The following GDPD5 variants were observed in gnomAD, a reference collection of about 807,000 sequenced individuals.
GDPD5 encodes glycerophosphodiester phosphodiesterase 2.
Under a neutral mutation model 75.1 loss-of-function variants are expected in GDPD5, and 48 were observed. The observed-to-expected ratio is 0.64, with a 90% CI of 0.51 to 0.81. The LOEUF is 0.81. Ranked by LOEUF, GDPD5 falls within the 40% of genes least tolerant of loss-of-function variation. GDPD5 has a pLI of 0.00. For missense variants in GDPD5, 706 were observed against 822.6 expected (o/e 0.86, Z 1.73); for synonymous variants, 336 against 339.0 (o/e 0.99, Z 0.10).
In GDPD5 at chr11:75,489,446, T is replaced by C. The variant is rs144115309; in HGVS notation, c.-61+791A>G. On this transcript the variant is annotated intron_variant, in intron 2 of 16. Transcript: ENST00000336898. ...GTCGAGGTTTCACCTTGGTGACCAA[T>C]GAAAACCGAGCTTGCTCGAATGCTG... Among the ~76,000 whole-genome samples, 8 of 152,352 alleles carry C rather than the reference T, an allele frequency of 5.3e-5. No individual in the cohort carries two copies. The East Asian group carries it at 1.5e-3, about 29-fold the overall frequency.
chr11:75,469,668 C>T (rs1046921387), intron 3 of GDPD5, among the ~76,000 whole-genome samples: 10 of 152,228 alleles, frequency 6.6e-5, no homozygotes, highest in African/African-American at 2.4e-5. Flanking sequence ...GAGATTATCT[C>T]GCCTCATCTC....
intron 9 of GDPD5, among the ~76,000 whole-genome samples, chr11:75,445,262 G>A (rs374713456): frequency 3.3e-5 from 5 of 152,182 alleles, no homozygotes; most frequent in South Asian, 2.1e-4. Flanking sequence ...CAATCTTCCC[G>A]CTTCAACTTC....
In GDPD5 at chr11:75,477,689, A is replaced by G. The variant is rs773786656; in HGVS notation, c.47T>C (p.Leu16Pro). The change falls in exon 3 of 17, where the codon CTC (leucine) becomes CCC (proline). Residue 16 changes from leucine (L) to proline (P), a missense_variant. Physicochemically the swap from Leu to Pro is moderately conservative, Grantham distance 98. Coordinates refer to ENST00000336898, the MANE Select transcript of GDPD5 (RefSeq NM_030792.8). ...PLQYYEPQLC[L>P]SCLTGIYGCR... ...GCCGTAGATGCCCGTGAGGCAGGAG[A>G]GGCACAGCTGTGGCTCGTAGTACTG... 6.3e-7 allele frequency: 1 copy of G among 1,598,194 alleles called. No individual in the cohort carries two copies. Among genetic ancestry groups the G allele is most frequent in the South Asian group, 1.1e-5 (1 of 89,826 alleles).
intron 1 of GDPD5, among the ~76,000 whole-genome samples, chr11:75,507,435 C>G (rs990210745): frequency 6.6e-6 from 1 of 152,236 alleles, no homozygotes; most frequent in African/African-American, 2.4e-5. Context: ...GGCCTATGAT[C>G]AAGGTCACAT....
At position 75,462,963 on chromosome 11, in the gene GDPD5, T is replaced by C; in HGVS notation, c.118-74A>G. ...TTAGGCTGCCTCCCACCAGAATGTG[T>C]CCTCCTCCCTCCCACTTTGTAGCCA... is the stretch of plus-strand genomic sequence containing the variant. On this transcript the variant is annotated intron_variant, in intron 3 of 16. Coordinates refer to ENST00000336898, the MANE Select transcript of GDPD5 (RefSeq NM_030792.8). 2.6e-6 allele frequency: 3 copies of C among 1,158,024 alleles called. No homozygotes were observed. The South Asian group carries it at 3.9e-5, about 15-fold the overall frequency. 71.7% of individuals were successfully genotyped at this position (1,158,024 alleles called of 1,614,324 possible).
chr11:75,447,823 T>G (rs547844), intron 9 of GDPD5, among the ~76,000 whole-genome samples: 82,638 of 151,802 alleles, frequency 0.54, 23,988 homozygotes, highest in East Asian at 0.8. Flanking sequence ...ACCAGCAGCA[T>G]GGGCATCCAT....
At chr11:75,453,130 A>C (rs954302820) in intron 6 of GDPD5, among the ~76,000 whole-genome samples, 5 of 152,084 alleles carry the variant, frequency 3.3e-5, no homozygotes, top group Non-Finnish European at 7.4e-5. Flanking sequence ...TCTCCTGAAC[A>C]CTCACCTGGG....
In GDPD5 at chr11:75,443,227, T is replaced by C; in HGVS notation, c.857A>G (p.Glu286Gly). 6.2e-7 allele frequency: 1 copy of C among 1,608,638 alleles called. No homozygotes were observed. Residue 286 changes from glutamate to glycine, a missense_variant, in exon 11 of 17, where the codon GAG becomes GGG. Glu to Gly is a moderately conservative substitution (Grantham distance 98). Coordinates refer to ENST00000336898, the MANE Select transcript of GDPD5 (RefSeq NM_030792.8). Reference sequence around the variant, plus strand: ...GCGGGCCAGCTCCGGGAACTCCTCCTCCACGTTGGTGGTGCGCCGCAGGGT... The same window carrying C: ...GCGGGCCAGCTCCGGGAACTCCTCCCCCACGTTGGTGGTGCGCCGCAGGGT... ...DTTLRRTTNVEEEFPELARRP... is the reference protein window; with the variant it reads ...DTTLRRTTNVGEEFPELARRP...
At chr11:75,468,684 C>CCG (rs576390582) in intron 3 of GDPD5, among the ~76,000 whole-genome samples, 4 of 152,124 alleles carry the variant, frequency 2.6e-5, no homozygotes, top group Admixed American at 2.6e-4. Flanking sequence ...CCGACGCCCC[C>CCG]CCCCCGGGAG....
At chr11:75,486,685 C>T (rs1950026724) in intron 2 of GDPD5, among the ~76,000 whole-genome samples, 1 of 152,180 alleles carries the variant, frequency 6.6e-6, no homozygotes, top group African/African-American at 2.4e-5. Context: ...CAATGCCTGG[C>T]AAACTCCTGC....
intron 1 of GDPD5, among the ~76,000 whole-genome samples, chr11:75,511,042 A>C (rs1270012357): frequency 6.6e-6 from 1 of 152,222 alleles, no homozygotes; most frequent in African/African-American, 2.4e-5. Context: ...GAAAAATGAA[A>C]TGGAAGAGAC....
chr11:75,448,496 G>A, intron 9 of GDPD5: 3 of 985,912 alleles, frequency 3.0e-6, no homozygotes, highest in Non-Finnish European at 2.4e-6. Context: ...TCTCACCGAA[G>A]CTCTCCTGCA....
At chr11:75,439,570 G>A (rs1390867995) in intron 15 of GDPD5, among the ~76,000 whole-genome samples, 2 of 152,110 alleles carry the variant, frequency 1.3e-5, no homozygotes, top group African/African-American at 4.8e-5. Context: ...ATCTTGCTGA[G>A]GGCTGGTGGG....
chr11:75,462,670 G>C, intron 4 of GDPD5, 116 bp downstream of exon 4: 1 of 733,168 alleles, frequency 1.4e-6, no homozygotes, highest in East Asian at 2.7e-5. Context: ...CAGAGAGCTG[G>C]TGGCAGAGCT....
intron 1 of GDPD5, among the ~76,000 whole-genome samples, chr11:75,491,288 T>C (rs1194919713): frequency 6.6e-6 from 1 of 152,228 alleles, no homozygotes; most frequent in Non-Finnish European, 1.5e-5. Flanking sequence ...GTGCCCTGAA[T>C]GTACAGCACT....
intron 1 of GDPD5, among the ~76,000 whole-genome samples, chr11:75,509,792 G>C (rs979869838): frequency 6.6e-6 from 1 of 152,184 alleles, no homozygotes; most frequent in Admixed American, 6.5e-5. Context: ...CGATTCTCCT[G>C]CCTCAGCCTC....
At chr11:75,482,295 G>A (rs963224529) in intron 2 of GDPD5, among the ~76,000 whole-genome samples, 2 of 152,156 alleles carry the variant, frequency 1.3e-5, no homozygotes, top group African/African-American at 4.8e-5. Flanking sequence ...ATAAGTGTAG[G>A]GGATTCTCTG....
intron 4 of GDPD5, among the ~76,000 whole-genome samples, chr11:75,459,807 C>CAA (rs767929482): frequency 7.4e-4 from 56 of 75,614 alleles, no homozygotes; most frequent in South Asian, 2.6e-3. Flanking sequence ...GAGACTGTCT[C>CAA]AAAAAAAAAA....
chr11:75,498,569 A>T (rs1950252724), intron 1 of GDPD5, among the ~76,000 whole-genome samples: 1 of 152,182 alleles, frequency 6.6e-6, no homozygotes, highest in South Asian at 2.1e-4. Context: ...GCAGGTTACC[A>T]GGGCCTCTAG....
Sources: gnomAD v4.1 joint callset for allele counts (sites outside exome capture counted in the v4.1 genomes callset) on GRCh38, gnomAD v4.1.1 for gene constraint, MANE v1.5 for transcripts, NCBI Gene and HGNC (gene_info 2026-07-23, HGNC 2026-07-21) for gene names.